The following SENP3 variants were observed in gnomAD, a reference collection of about 807,000 sequenced individuals.
The protein encoded by SENP3 is SUMO specific peptidase 3.
SENP3 carries 11 observed loss-of-function variants against 66.2 expected under a neutral mutation model. The observed-to-expected ratio is 0.17, with a 90% CI of 0.10 to 0.28. SENP3 has a LOEUF of 0.28. Among genes scored for constraint, SENP3 ranks in the 10% least tolerant of loss-of-function variants. The pLI is 1.00. For synonymous variants in SENP3, 292 were observed against 277.6 expected, an observed-to-expected ratio of 1.05 and a Z score of -0.52; for missense variants, 548 against 743.7, an observed-to-expected ratio of 0.74 and a Z score of 3.06.
At chr17:7,567,042 G>T in intron 7 of SENP3, 38 bp downstream of exon 7, 1 of 1,303,360 alleles carries the variant, frequency 7.7e-7, no homozygotes. Flanking sequence ...GTAATGCCTT[G>T]CCTCTAAAGA....
In SENP3 at chr17:7,571,557, C is replaced by A; in HGVS notation, c.*74C>A. 1.0e-6 allele frequency: 1 copy of A among 964,626 alleles called. No homozygotes were observed. Among genetic ancestry groups the A allele is most frequent in the Non-Finnish European group, 1.6e-6 (1 of 607,142 alleles). The allele number at this position is 964,626 out of a possible 1,614,324, so 59.8% of individuals were successfully genotyped here. On this transcript the variant is annotated 3_prime_UTR_variant, in exon 11 of 11. Coordinates refer to ENST00000321337, the MANE Select transcript of SENP3 (RefSeq NM_015670.6). ...AGTCCCTTCCCAAGAAACTCCAGTT[C>A]CTTTCCTCTCTTGCCTCTTCCCACT...
Position 7,564,883 on chromosome 17 carries a change from A to G in SENP3, c.955+19A>G, listed in dbSNP as rs753406397. On this transcript the variant is annotated intron_variant, in intron 3 of 10. Transcript: ENST00000321337. ...GTACAGAGTAAGGAGCCCTTAAGCA[A>G]CTAGCCTCTCTCCCTTCTCCGACTC... 12 of 1,602,836 alleles carry G rather than the reference A, an allele frequency of 7.5e-6. No individual in the cohort carries two copies. The highest frequency in any genetic ancestry group is 1.0e-5 in the Non-Finnish European group (12 of 1,171,596).
Position 7,564,614 on chromosome 17 carries a change from C to T in SENP3, c.716-11C>T. 6.2e-7 allele frequency: 1 copy of T among 1,613,840 alleles called. No individual in the cohort carries two copies. Among genetic ancestry groups the T allele is most frequent in the Admixed American group, 1.7e-5 (1 of 59,988 alleles). On this transcript the variant is annotated splice_polypyrimidine_tract_variant and intron_variant, in intron 2 of 10. Transcript: ENST00000321337. ...GTCTCTCATGCCCATTCCATTTCCC[C>T]TGCCCTATAGGCCTCCTTTCATGTA...
intron 7 of SENP3, among the ~76,000 whole-genome samples, chr17:7,567,755 A>G (rs1467093808): frequency 6.6e-6 from 1 of 152,144 alleles, no homozygotes; most frequent in Non-Finnish European, 1.5e-5. Context: ...TGGATACAAA[A>G]TTCGGTCAGA....
In SENP3 at chr17:7,563,715, A is replaced by G; in HGVS notation, c.639A>G (p.Pro213=). The change falls in exon 2 of 11, where the codon CCA becomes CCG. Residue 213 remains proline (P), a synonymous_variant. Coordinates refer to ENST00000321337, the MANE Select transcript of SENP3 (RefSeq NM_015670.6). ...CTGAGGATGGGGTGAGAGGGTCTCCACCAGTGCCCTCTGGGCCCCCCATGG... is the reference window on the plus strand; with the variant it reads ...CTGAGGATGGGGTGAGAGGGTCTCCGCCAGTGCCCTCTGGGCCCCCCATGG... ...LMAEDGVRGS[P]PVPSGPPMEE... The G allele has an allele frequency of 6.2e-7, 1 of 1,612,440 alleles. No individual in the cohort carries two copies. The highest frequency in any genetic ancestry group is 1.7e-4 in the Middle Eastern group (1 of 6,038).
chr17:7,567,745 T>G (rs1192387891), intron 7 of SENP3, among the ~76,000 whole-genome samples: 1 of 151,864 alleles, frequency 6.6e-6, no homozygotes, highest in African/African-American at 2.4e-5. Flanking sequence ...CAAAGGGAGA[T>G]GGATACAAAA....
intron 1 of SENP3, 57 bp from the exon 2 acceptor site, chr17:7,563,009 C>G: frequency 1.5e-6 from 2 of 1,368,510 alleles, no homozygotes; most frequent in East Asian, 2.8e-5. Context: ...GGAAGAGAGG[C>G]AGGATCTGCG....
At position 7,564,655 on chromosome 17, in the gene SENP3, T is replaced by C. The variant is rs1347258577; in HGVS notation, c.746T>C (p.Phe249Ser). 6.2e-7 allele frequency: 1 copy of C among 1,614,056 alleles called. No individual in the cohort carries two copies. Among genetic ancestry groups the C allele is most frequent in the Admixed American group, 1.7e-5 (1 of 60,028 alleles). ...GLLSCTLPNG[F>S]GGQSGPEGER... ...CTTTCATGTACTCTGCCCAACGGTT[T>C]TGGGGGACAATCTGGGCCAGAAGGG... Residue 249 changes from phenylalanine (F) to serine (S), a missense_variant, in exon 3 of 11, where the codon TTT (phenylalanine) becomes TCT (serine). Phe to Ser is a radical substitution (Grantham distance 155). Coordinates refer to ENST00000321337, the MANE Select transcript of SENP3 (RefSeq NM_015670.6).
chr17:7,563,602 A>C lies in SENP3; in HGVS notation c.526A>C (p.Thr176Pro). The part of the protein sequence containing the change: ...NHLSPQQGGA[T>P]PQVPSPCCRF... ...TCTTTCACCCCAGCAAGGGGGTGCG[A>C]CGCCACAGGTGCCATCCCCCTGTTG... The change falls in exon 2 of 11, where the codon ACG becomes CCG. Residue 176 changes from threonine to proline, a missense_variant. Physicochemically the swap from Thr to Pro is conservative, Grantham distance 38. Around this residue, in one of 6 missense-constraint regions of SENP3, gnomAD observed 215 missense variants for 230.7 expected, o/e 0.93. Coordinates refer to ENST00000321337, the MANE Select transcript of SENP3 (RefSeq NM_015670.6). 1 of 1,581,800 alleles carries C rather than the reference A, an allele frequency of 6.3e-7. No individual in the cohort carries two copies. The highest frequency in any genetic ancestry group is 1.3e-5 in the African/African-American group (1 of 74,084).
rs12941164 is a variant in SENP3, at chr17:7,571,878, T to A, written c.*395T>A. On this transcript the variant is annotated 3_prime_UTR_variant, in exon 11 of 11. Coordinates refer to ENST00000321337, the MANE Select transcript of SENP3 (RefSeq NM_015670.6). ...ATATATATATATATATATATATATA[T>A]ATATATATATATATATATATATATA... The A allele has an allele frequency of 8.0e-3, 86 of 10,790 alleles. 3 individuals carry two copies. Among genetic ancestry groups the A allele is most frequent in the East Asian group, 0.016 (7 of 428 alleles). The allele number at this position is 10,790 out of a possible 1,614,324, so 0.7% of individuals were successfully genotyped here. A position where few individuals can be genotyped will look rare whatever the true frequency, so the allele number is the denominator to read the frequency against.
At position 7,570,337 on chromosome 17, in the gene SENP3, TG is replaced by T. The variant is rs2071302925; in HGVS notation, c.1342-18del. 1 of 1,609,028 alleles carries T rather than the reference TG, an allele frequency of 6.2e-7. No homozygotes were observed. The highest frequency in any genetic ancestry group is 1.7e-5 in the Admixed American group (1 of 59,932). On this transcript the variant is annotated intron_variant, in intron 7 of 10. Coordinates refer to ENST00000321337, the MANE Select transcript of SENP3 (RefSeq NM_015670.6). This position sits in a 1 kb window ranked among gnomAD's most constrained non-coding sequence, Gnocchi z 5.4. ...AGACTTCTGTTTGTTGTACCTGACC[TG>T]TGGCACTATCTCTTTAGGTGGACAT...
chr17:7,563,139 C>T lies in SENP3; in HGVS notation c.63C>T (p.Pro21=). 1.3e-6 allele frequency: 2 copies of T among 1,541,242 alleles called. No individual in the cohort carries two copies. Among genetic ancestry groups the T allele is most frequent in the South Asian group, 1.3e-5 (1 of 78,994 alleles). ...WGPEPPGPGI[P]PAYSSPRRER... ...CTGAGCCTCCTGGACCCGGCATACC[C>T]CCAGCTTACTCAAGTCCCAGGCGGG... The change falls in exon 2 of 11, where the codon CCC becomes CCT. Residue 21 remains proline (P), a synonymous_variant. Coordinates refer to ENST00000321337, the MANE Select transcript of SENP3 (RefSeq NM_015670.6).
intron 7 of SENP3, among the ~76,000 whole-genome samples, chr17:7,567,819 G>A (rs555476650): frequency 1.3e-5 from 2 of 152,246 alleles, no homozygotes; most frequent in South Asian, 2.1e-4. Context: ...ATTTTATTGC[G>A]TGTATACTGA....
chr17:7,563,724 C>T lies in SENP3; in HGVS notation c.648C>T (p.Pro216=), dbSNP rs1277337188. The T allele has an allele frequency of 1.9e-6, 3 of 1,612,866 alleles. No homozygotes were observed. In the African/African-American group the frequency reaches 4.0e-5, roughly 22 times the overall value. ...EDGVRGSPPV[P]SGPPMEEDGL... ...GGGTGAGAGGGTCTCCACCAGTGCCCTCTGGGCCCCCCATGGAGGAAGATG... is the reference window on the plus strand; with the variant it reads ...GGGTGAGAGGGTCTCCACCAGTGCCTTCTGGGCCCCCCATGGAGGAAGATG... The change falls in exon 2 of 11, where the codon CCC becomes CCT. Residue 216 remains proline (P), a synonymous_variant. Coordinates refer to ENST00000321337, the MANE Select transcript of SENP3 (RefSeq NM_015670.6).
At position 7,571,891 on chromosome 17, in the gene SENP3, AT is replaced by A. The variant is rs2071326127; in HGVS notation, c.*409del. On this transcript the variant is annotated 3_prime_UTR_variant, in exon 11 of 11. Transcript: ENST00000321337. ...TATATATATATATATATATATATATATATATATATATATATATAAAAATATA... is the reference window on the plus strand; with the variant it reads ...TATATATATATATATATATATATATAATATATATATATATATAAAAATATA... 20 of 13,816 alleles carry A rather than the reference AT, an allele frequency of 1.4e-3. 2 individuals carry two copies. Among genetic ancestry groups the A allele is most frequent in the South Asian group, 2.9e-3 (1 of 348 alleles). 0.9% of individuals were successfully genotyped at this position (13,816 alleles called of 1,614,324 possible).
At chr17:7,565,859 G>A (rs1227274729) in intron 6 of SENP3, 95 bp downstream of exon 6, 3 of 1,082,546 alleles carry the variant, frequency 2.8e-6, no homozygotes, top group East Asian at 4.8e-5. Flanking sequence ...TACACAGAGA[G>A]GGTCTCTGTT....
chr17:7,567,016 A>C lies in SENP3; in HGVS notation c.1341+12A>C. On this transcript the variant is annotated intron_variant, in intron 7 of 10. Coordinates refer to ENST00000321337, the MANE Select transcript of SENP3 (RefSeq NM_015670.6). ...GGTGGACCAAAAACGTGAGTTTTGA[A>C]TTCACATCCACTTGTGTAATGCCTT... is the stretch of plus-strand genomic sequence containing the variant. 1 of 1,509,606 alleles carries C rather than the reference A, an allele frequency of 6.6e-7. No homozygotes were observed. Among genetic ancestry groups the C allele is most frequent in the South Asian group, 1.2e-5 (1 of 83,468 alleles). 93.5% of individuals were successfully genotyped at this position (1,509,606 alleles called of 1,614,324 possible).
At chr17:7,566,704 AC>A (rs2071272154) in intron 6 of SENP3, among the ~76,000 whole-genome samples, 1 of 151,206 alleles carries the variant, frequency 6.6e-6, no homozygotes, top group Non-Finnish European at 1.5e-5. Context: ...GTTGACTCAT[AC>A]CTATAATCTC....
Position 7,562,828 on chromosome 17 carries a change from T to C in SENP3, c.-11-238T>C, listed in dbSNP as rs1273770143. On this transcript the variant is annotated intron_variant, in intron 1 of 10. Coordinates refer to ENST00000321337, the MANE Select transcript of SENP3 (RefSeq NM_015670.6). The surrounding 1 kb of genome is among the most constrained non-coding windows in gnomAD (Gnocchi z 5.0). ...CTGGTGATCTTAGAAATAAGATCTC[T>C]GAGGCCTGCTGCTTAGCCATTTTCC... Among the ~76,000 whole-genome samples, 7 of 152,242 alleles carry C rather than the reference T, an allele frequency of 4.6e-5. No homozygotes were observed. Among genetic ancestry groups the C allele is most frequent in the Admixed American group, 4.6e-4 (7 of 15,290 alleles).
Sources: allele counts gnomAD v4.1 joint callset (sites outside exome capture counted in the v4.1 genomes callset), GRCh38; gene constraint gnomAD v4.1.1; regional missense constraint gnomAD v4.1.1; non-coding constraint Gnocchi (gnomAD v3.1); transcripts MANE v1.5; gene names NCBI Gene and HGNC (gene_info 2026-07-23, HGNC 2026-07-21).